Variants in MACROD2 observed in about 807,000 individuals in gnomAD.
MACROD2 encodes mono-ADP ribosylhydrolase 2, also known as ADP-ribose glycohydrolase MACROD2.
Under a neutral mutation model 70.4 loss-of-function variants are expected in MACROD2, and 36 were observed. That is an observed-to-expected ratio of 0.51 (90% CI 0.39 to 0.68). The LOEUF is 0.68. MACROD2 is among the 30% of genes least tolerant of loss of function. The pLI is 0.00. For missense variants in MACROD2, 496 were observed against 538.4 expected, an observed-to-expected ratio of 0.92 and a Z score of 0.78; for synonymous variants, 172 against 178.8, an observed-to-expected ratio of 0.96 and a Z score of 0.30.
chr20:15,802,649 A>G (rs1187660468), intron 8 of MACROD2, among the ~76,000 whole-genome samples: 2 of 152,184 alleles, frequency 1.3e-5, no homozygotes, highest in Non-Finnish European at 2.9e-5. Context: ...AAATTAACAG[A>G]AAAAGAAATA....
At chr20:15,554,314 G>A (rs1275914535) in intron 8 of MACROD2, among the ~76,000 whole-genome samples, 2 of 152,140 alleles carry the variant, frequency 1.3e-5, no homozygotes, top group African/African-American at 4.8e-5. Context: ...AAGAAGGAAG[G>A]CAGTTTTGGC....
intron 5 of MACROD2, among the ~76,000 whole-genome samples, chr20:15,048,356 A>G (rs2075412111): frequency 6.6e-6 from 1 of 152,094 alleles, no homozygotes; most frequent in Non-Finnish European, 1.5e-5. Context: ...TTACCACTGC[A>G]TAACCTAGTC....
At chr20:14,197,822 T>G (rs2081445515) in intron 3 of MACROD2, among the ~76,000 whole-genome samples, 1 of 152,248 alleles carries the variant, frequency 6.6e-6, no homozygotes, top group Non-Finnish European at 1.5e-5. Flanking sequence ...AGGAAGTAGA[T>G]GTGTTTAAAG....
At chr20:14,867,814 G>T (rs2122409648) in intron 5 of MACROD2, among the ~76,000 whole-genome samples, 1 of 152,186 alleles carries the variant, frequency 6.6e-6, no homozygotes, top group South Asian at 2.1e-4. Flanking sequence ...TGTCTAAAAA[G>T]TCTGATATTG....
At chr20:14,536,626 GGTGTGTGTGTGTGTGTGT>G (rs11471542) in intron 4 of MACROD2, among the ~76,000 whole-genome samples, 2 of 139,166 alleles carry the variant, frequency 1.4e-5, no homozygotes, top group South Asian at 2.3e-4. Context: ...AGGTAACATT[GGTGTGTGTGTGTGTGTGT>G]GTGTGTGTGT....
intron 6 of MACROD2, among the ~76,000 whole-genome samples, chr20:15,261,935 G>A (rs1394440639): frequency 6.6e-6 from 1 of 151,778 alleles, no homozygotes; most frequent in East Asian, 1.9e-4. Flanking sequence ...CATGGTAGGT[G>A]TATATTTTTA....
chr20:15,335,431 CT>C (rs1287087390), intron 6 of MACROD2, among the ~76,000 whole-genome samples: 1 of 151,160 alleles, frequency 6.6e-6, no homozygotes, highest in African/African-American at 2.5e-5. Context: ...TTCTTTATGT[CT>C]GTTAAAATAC....
chr20:15,594,167 T>C (rs1362663571), intron 8 of MACROD2, among the ~76,000 whole-genome samples: 1 of 152,222 alleles, frequency 6.6e-6, no homozygotes, highest in Non-Finnish European at 1.5e-5. Flanking sequence ...ATTTTATGAC[T>C]ATAACTATAA....
chr20:14,250,212 G>A (rs557291992), intron 3 of MACROD2, among the ~76,000 whole-genome samples: 8 of 151,886 alleles, frequency 5.3e-5, no homozygotes, highest in East Asian at 3.9e-4. Context: ...GTATGTGGGC[G>A]CAGTTGAGAG....
chr20:14,144,210 A>T (rs188439041), intron 3 of MACROD2, among the ~76,000 whole-genome samples: 1 of 152,200 alleles, frequency 6.6e-6, no homozygotes, highest in Admixed American at 6.5e-5. Context: ...TATGCTAAAG[A>T]AAAGCAAAAA....
chr20:15,856,712 GT>G (rs2147155202), intron 8 of MACROD2, among the ~76,000 whole-genome samples: 1 of 152,288 alleles, frequency 6.6e-6, no homozygotes, highest in South Asian at 2.1e-4. Flanking sequence ...AAAGTGAACT[GT>G]CAGATTGTTA....
In MACROD2 at chr20:14,655,319, CTGTGTG is replaced by C. The variant is rs11470954; in HGVS notation, c.302-29490_302-29485del. On this transcript the variant is annotated intron_variant, in intron 4 of 17. Transcript: ENST00000684519. The stretch of plus-strand genomic sequence containing the variant: ...CTTATATATAAATCCAAAGTGGACA[CTGTGTG>C]TGTGTGTGTGTGTGTGTGTGTGTGT... Among the ~76,000 whole-genome samples the C allele has an allele frequency of 8.1e-3, 1,144 of 141,678 alleles. 16 individuals carry two copies. The highest frequency in any genetic ancestry group is 0.022 in the African/African-American group (830 of 37,472). The allele number at this position is 141,678 out of a possible 152,430, so 92.9% of individuals were successfully genotyped here.
intron 3 of MACROD2, among the ~76,000 whole-genome samples, chr20:14,088,238 G>C (rs1327664592): frequency 2.0e-5 from 3 of 150,468 alleles, no homozygotes; most frequent in African/African-American, 4.9e-5. Context: ...GCTGAGGCAG[G>C]AGAATTGCTT....
intron 6 of MACROD2, among the ~76,000 whole-genome samples, chr20:15,426,006 G>A (rs748154497): frequency 1.5e-4 from 23 of 152,148 alleles, no homozygotes; most frequent in South Asian, 6.2e-4. Context: ...AAATGAAGAC[G>A]GACTTTCAAG....
chr20:15,889,754 A>G (rs1392681657), intron 10 of MACROD2, among the ~76,000 whole-genome samples: 1 of 152,192 alleles, frequency 6.6e-6, no homozygotes, highest in African/African-American at 2.4e-5. Context: ...ACAGAAAATT[A>G]TCAACCACCT....
chr20:15,739,995 A>G (rs1359701586), intron 8 of MACROD2, among the ~76,000 whole-genome samples: 2 of 152,242 alleles, frequency 1.3e-5, no homozygotes, highest in Non-Finnish European at 2.9e-5. Context: ...CACTGTAAAC[A>G]AATTCCTAAT....
intron 3 of MACROD2, among the ~76,000 whole-genome samples, chr20:14,202,232 G>A (rs1458952483): frequency 6.6e-6 from 1 of 152,140 alleles, no homozygotes; most frequent in Non-Finnish European, 1.5e-5. Flanking sequence ...CACCCAAAGT[G>A]ATTGTATTTA....
chr20:14,721,084 G>A (rs937897350), intron 5 of MACROD2, among the ~76,000 whole-genome samples: 2 of 151,186 alleles, frequency 1.3e-5, no homozygotes, highest in Non-Finnish European at 3.0e-5. Context: ...ATGAAACCCC[G>A]TCTCTACTAA....
At chr20:14,042,843 A>G (rs1172401022) in intron 2 of MACROD2, among the ~76,000 whole-genome samples, 1 of 152,014 alleles carries the variant, frequency 6.6e-6, no homozygotes, top group African/African-American at 2.4e-5. Context: ...GACAGCATCA[A>G]AGCCCAGAAG....
Sources: allele counts gnomAD v4.1 joint callset (sites outside exome capture counted in the v4.1 genomes callset), GRCh38; gene constraint gnomAD v4.1.1; transcripts MANE v1.5; gene names NCBI Gene and HGNC (gene_info 2026-07-23, HGNC 2026-07-21).